The following RFX3 variants were observed in gnomAD, a reference collection of about 807,000 sequenced individuals.
RFX3 encodes regulatory factor X3.
A neutral mutation model predicts 98.6 loss-of-function variants in RFX3; 14 were observed. The ratio of observed to expected loss-of-function variants is 0.14; its 90% CI spans 0.09 to 0.22. The LOEUF (loss-of-function observed/expected upper bound fraction) is 0.22. Ranked by LOEUF, RFX3 falls within the 10% of genes least tolerant of loss-of-function variation. The pLI is 1.00. For missense variants in RFX3, 639 were observed against 926.9 expected (o/e 0.69, Z 4.03); for synonymous variants, 383 against 328.4 (o/e 1.17, Z -1.80).
At chr9:3,420,796 A>G (rs1370785387) in intron 1 of RFX3, 1 of 985,066 alleles carries the variant, frequency 1.0e-6, no homozygotes, top group Non-Finnish European at 1.2e-6. Flanking sequence ...ACCTCCATTC[A>G]TTCCTGGTTC....
At chr9:3,298,234 G>C (rs1410625320) in intron 5 of RFX3, among the ~76,000 whole-genome samples, 1 of 151,796 alleles carries the variant, frequency 6.6e-6, no homozygotes, top group Non-Finnish European at 1.5e-5. Flanking sequence ...AGGAAAAAAA[G>C]AGTTATTTAC....
At chr9:3,383,512 A>G (rs1216850772) in intron 2 of RFX3, among the ~76,000 whole-genome samples, 1 of 152,106 alleles carries the variant, frequency 6.6e-6, no homozygotes, top group East Asian at 1.9e-4. Context: ...TTAAGAGCTC[A>G]TGAAGTCAGA....
chr9:3,267,212 A>T (rs1203219837), intron 11 of RFX3, among the ~76,000 whole-genome samples: 1 of 152,012 alleles, frequency 6.6e-6, no homozygotes, highest in African/African-American at 2.4e-5. Context: ...ATAGTAATGT[A>T]GAGGAAAATT....
intron 1 of RFX3, among the ~76,000 whole-genome samples, chr9:3,515,419 G>T (rs1362156520): frequency 1.3e-5 from 2 of 152,156 alleles, no homozygotes; most frequent in Non-Finnish European, 2.9e-5. Flanking sequence ...GGTAAGGAAA[G>T]AAATCTGGAA....
chr9:3,369,091 T>A (rs368182560), intron 2 of RFX3, among the ~76,000 whole-genome samples: 1 of 151,992 alleles, frequency 6.6e-6, no homozygotes, highest in Non-Finnish European at 1.5e-5. Flanking sequence ...CAAAGGCAAA[T>A]AGCACACCAG....
intron 3 of RFX3, among the ~76,000 whole-genome samples, chr9:3,335,134 TAAA>T (rs1833020741): frequency 6.6e-6 from 1 of 151,314 alleles, no homozygotes; most frequent in South Asian, 2.1e-4. Flanking sequence ...ATAATAATAA[TAAA>T]ATAATAATAA....
At chr9:3,380,630 A>C (rs1012534948) in intron 2 of RFX3, among the ~76,000 whole-genome samples, 1 of 152,214 alleles carries the variant, frequency 6.6e-6, no homozygotes, top group Non-Finnish European at 1.5e-5. Context: ...TTTAGTTCAT[A>C]TCTCTAATAT....
At chr9:3,348,347 G>C (rs983768795) in intron 2 of RFX3, among the ~76,000 whole-genome samples, 1 of 152,090 alleles carries the variant, frequency 6.6e-6, no homozygotes, top group Non-Finnish European at 1.5e-5. Context: ...CCTCTGCAAT[G>C]TTAAGTTTCA....
At chr9:3,438,629 C>G (rs1394225734) in intron 1 of RFX3, among the ~76,000 whole-genome samples, 1 of 151,944 alleles carries the variant, frequency 6.6e-6, no homozygotes, top group African/African-American at 2.4e-5. Flanking sequence ...CAACAACATG[C>G]TGCCTGTGAG....
intron 1 of RFX3, among the ~76,000 whole-genome samples, chr9:3,474,147 A>G (rs142888207): frequency 6.6e-6 from 1 of 152,332 alleles, no homozygotes; most frequent in Non-Finnish European, 1.5e-5. Context: ...ATATTAAAGA[A>G]ATAAAGCATA....
intron 3 of RFX3, 80 bp downstream of exon 3, chr9:3,346,587 G>C: frequency 1.2e-6 from 1 of 852,054 alleles, no homozygotes; most frequent in South Asian, 1.4e-5. Context: ...GAAACAATCT[G>C]GGAATAGTGG....
At chr9:3,330,090 A>G (rs1025613480) in intron 4 of RFX3, among the ~76,000 whole-genome samples, 169 bp downstream of exon 4, 1 of 152,234 alleles carries the variant, frequency 6.6e-6, no homozygotes, top group Non-Finnish European at 1.5e-5. Flanking sequence ...TATCAGTAAC[A>G]TTCTGCATAA....
At chr9:3,403,675 C>G (rs1187991211) in intron 1 of RFX3, among the ~76,000 whole-genome samples, 1 of 152,084 alleles carries the variant, frequency 6.6e-6, no homozygotes, top group Non-Finnish European at 1.5e-5. Context: ...TCTTAAAGGA[C>G]TAATTACCAA....
chr9:3,402,902 G>A (rs1337353655), intron 1 of RFX3, among the ~76,000 whole-genome samples: 1 of 151,710 alleles, frequency 6.6e-6, no homozygotes, highest in East Asian at 1.9e-4. Flanking sequence ...ACAATATTAA[G>A]ATAACTCTAA....
intron 4 of RFX3, among the ~76,000 whole-genome samples, chr9:3,327,390 G>C (rs1315441003): frequency 6.6e-6 from 1 of 152,082 alleles, no homozygotes; most frequent in East Asian, 1.9e-4. Flanking sequence ...GAGTCAAGCA[G>C]ATCTTCAGTA....
At position 3,291,927 on chromosome 9, in the gene RFX3, C is replaced by T; in HGVS notation, c.731+1150G>A. On this transcript the variant is annotated intron_variant, in intron 6 of 16. Transcript: ENST00000617270. ...CAATAATTAGCTGGACGTGGTGGCA[C>T]ACACCTGTAGTCTCAGCTACTTGGG... 1.3e-5 allele frequency among the ~76,000 whole-genome samples: 2 copies of T among 151,550 alleles called. 1 individual carries two copies. Among genetic ancestry groups the T allele is most frequent in the Non-Finnish European group, 2.9e-5 (2 of 67,822 alleles).
At chr9:3,237,757 C>G (rs892198184) in intron 15 of RFX3, among the ~76,000 whole-genome samples, 20 of 152,096 alleles carry the variant, frequency 1.3e-4, no homozygotes, top group Admixed American at 1.0e-3. Flanking sequence ...TATAACTTTC[C>G]CAGGGTGCAA....
At chr9:3,504,942 A>AT (rs1159856432) in intron 1 of RFX3, among the ~76,000 whole-genome samples, 16 of 62,048 alleles carry the variant, frequency 2.6e-4, no homozygotes, top group Admixed American at 3.1e-4. Flanking sequence ...TATAATATAT[A>AT]TAATATAATA....
intron 3 of RFX3, among the ~76,000 whole-genome samples, chr9:3,335,917 C>G (rs982826653): frequency 6.6e-6 from 1 of 152,128 alleles, no homozygotes; most frequent in African/African-American, 2.4e-5. Context: ...CTTACTTATT[C>G]ACTAGGATGA....
Sources: allele counts gnomAD v4.1 joint callset (sites outside exome capture counted in the v4.1 genomes callset), GRCh38; gene constraint gnomAD v4.1.1; transcripts MANE v1.5; gene names NCBI Gene and HGNC (gene_info 2026-07-23, HGNC 2026-07-21).